FBN1: variants seen among roughly 807,000 people sequenced by gnomAD.
The protein encoded by FBN1 is fibrillin-1.
A neutral mutation model predicts 365.1 loss-of-function variants in FBN1; 29 were observed. The ratio of observed to expected loss-of-function variants is 0.08; its 90% confidence interval spans 0.06 to 0.11. The LOEUF (loss-of-function observed/expected upper bound fraction) is 0.11, where lower values mean the gene tolerates loss of function less well. Among genes scored for constraint, FBN1 ranks in the 10% least tolerant of loss-of-function variants. FBN1 has a pLI of 1.00. For missense variants in FBN1, 2,476 were observed against 3,703.2 expected, an observed-to-expected ratio of 0.67 and a Z score of 8.60; for synonymous variants, 1,210 against 1,270.5, an observed-to-expected ratio of 0.95 and a Z score of 1.01.
At chr15:48,590,582 TAA>T (rs999822007) in intron 6 of FBN1, among the ~76,000 whole-genome samples, 2 of 152,236 alleles carry the variant, frequency 1.3e-5, no homozygotes, top group Non-Finnish European at 2.9e-5. Flanking sequence ...ACTGCACATA[TAA>T]GAAGGAGGTG....
intron 7 of FBN1, 82 bp from the exon 8 acceptor site, chr15:48,534,287 CAATTATGTTACCAT>C (rs1245425741): frequency 7.1e-7 from 1 of 1,404,012 alleles, no homozygotes; most frequent in East Asian, 2.3e-5. Context: ...AATTTGTCCA[CAATTATGTTACCAT>C]ATTTATATCG....
intron 35 of FBN1, among the ~76,000 whole-genome samples, chr15:48,471,706 G>A (rs914155656): frequency 2.0e-5 from 3 of 152,338 alleles, no homozygotes; most frequent in South Asian, 2.1e-4. Context: ...TTCACGTCTT[G>A]TTAACAAGGA....
chr15:48,472,647 G>A lies in FBN1; in HGVS notation c.4240C>T (p.Leu1414Phe), dbSNP rs376840416. The A allele has an allele frequency of 3.1e-6, 5 of 1,614,156 alleles. No homozygotes were observed. Among genetic ancestry groups the A allele is most frequent in the Non-Finnish European group, 4.2e-6 (5 of 1,180,022 alleles). Residue 1414 changes from leucine to phenylalanine, a missense_variant, in exon 35 of 66, where the codon CTC becomes TTC. Coordinates refer to ENST00000316623, the MANE Select transcript of FBN1 (RefSeq NM_000138.5). Reference protein sequence around the residue: ...DLDECSENLNLCGNGQCLNAP... With the variant: ...DLDECSENLNFCGNGQCLNAP... Reference sequence around the variant, plus strand: ...TTGAGGCACTGGCCATTGCCACAGAGATTCAGGTTCTCAGAGCACTCATCA... The same window carrying A: ...TTGAGGCACTGGCCATTGCCACAGAAATTCAGGTTCTCAGAGCACTCATCA...
chr15:48,423,117 A>G (rs1426174664), intron 60 of FBN1, among the ~76,000 whole-genome samples: 2 of 152,218 alleles, frequency 1.3e-5, no homozygotes, highest in Non-Finnish European at 2.9e-5. Context: ...ATTTCAAAAT[A>G]CCAAGAGATG....
intron 2 of FBN1, among the ~76,000 whole-genome samples, chr15:48,631,285 A>C (rs565511956): frequency 3.3e-5 from 5 of 152,362 alleles, no homozygotes; most frequent in African/African-American, 1.2e-4. Flanking sequence ...GCTGCATGGC[A>C]TGAAGCCAAA....
Position 48,639,770 on chromosome 15 carries a change from T to A in FBN1, c.164+4836A>T, listed in dbSNP as rs114720293. On this transcript the variant is annotated intron_variant, in intron 2 of 65. Transcript: ENST00000316623. Reference sequence around the variant, plus strand: ...ATGTCGGTTTCTTCAAAGAATCTCATGGGAAAAAATTCTAAGTTGCTTAAG... The same window carrying A: ...ATGTCGGTTTCTTCAAAGAATCTCAAGGGAAAAAATTCTAAGTTGCTTAAG... Among the ~76,000 whole-genome samples, 1,409 of 152,324 alleles carry A rather than the reference T, an allele frequency of 9.3e-3. 27 individuals are homozygous for A. The highest frequency in any genetic ancestry group is 0.033 in the African/African-American group (1,353 of 41,566).
chr15:48,575,802 T>C (rs1170818919), intron 6 of FBN1, among the ~76,000 whole-genome samples: 1 of 140,126 alleles, frequency 7.1e-6, no homozygotes, highest in Non-Finnish European at 1.6e-5. Flanking sequence ...AAATGTGAGA[T>C]ACACACACAC....
rs751256880 is a variant in FBN1, at chr15:48,463,117, T to G, written c.5189A>C (p.Asn1730Thr). Reference sequence around the variant, plus strand: ...GATGGGACACTGTTCACAGGGCTTGTTCCACGCCCGGCCAATGTTGTAGGA... The same window carrying G: ...GATGGGACACTGTTCACAGGGCTTGGTCCACGCCCGGCCAATGTTGTAGGA... ...CCSYNIGRAW[N>T]KPCEQCPIPS... The change falls in exon 42 of 66, where the codon AAC (asparagine) becomes ACC (threonine). Residue 1730 changes from asparagine to threonine, a missense_variant. Physicochemically the swap from Asn to Thr is moderately conservative, Grantham distance 65. This residue lies in a region of FBN1 where 1,780 missense variants were observed against 2,840.8 expected (regional missense o/e 0.63). Coordinates refer to ENST00000316623, the MANE Select transcript of FBN1 (RefSeq NM_000138.5). 8 of 1,614,132 alleles carry G rather than the reference T, an allele frequency of 5.0e-6. No individual in the cohort carries two copies. In the South Asian group the frequency reaches 8.8e-5, roughly 18 times the overall value.
intron 63 of FBN1, among the ~76,000 whole-genome samples, chr15:48,416,914 T>G (rs886121475): frequency 8.5e-5 from 13 of 152,206 alleles, no homozygotes; most frequent in Admixed American, 6.5e-4. Flanking sequence ...GATACCTATT[T>G]TATGATAGAT....
At chr15:48,470,953 C>T (rs747418395) in intron 35 of FBN1, among the ~76,000 whole-genome samples, 197 bp from the exon 36 acceptor site, 2 of 152,154 alleles carry the variant, frequency 1.3e-5, no homozygotes, top group Non-Finnish European at 2.9e-5. Context: ...TACTTTTCCT[C>T]AGTCTCTATT....
rs887259882 is a variant in FBN1 at position 48,624,989 on chromosome 15, T to C, written c.165-11897A>G. Among the ~76,000 whole-genome samples, 13 of 152,264 alleles carry C rather than the reference T, an allele frequency of 8.5e-5. No homozygotes were observed. In the South Asian group the frequency reaches 2.1e-3, roughly 24 times the overall value. Reference sequence around the variant, plus strand: ...GTCCAGGGAGATAATATCTTCTGAATGTACTGGCAGCCCCAGGAAGAGACA... The same window carrying C: ...GTCCAGGGAGATAATATCTTCTGAACGTACTGGCAGCCCCAGGAAGAGACA... On this transcript the variant is annotated intron_variant, in intron 2 of 65. Coordinates refer to ENST00000316623, the MANE Select transcript of FBN1 (RefSeq NM_000138.5).
At chr15:48,578,299 G>A (rs1243686097) in intron 6 of FBN1, among the ~76,000 whole-genome samples, 1 of 152,146 alleles carries the variant, frequency 6.6e-6, no homozygotes, top group Non-Finnish European at 1.5e-5. Context: ...TGTCCACAGG[G>A]ATAATGACTG....
intron 63 of FBN1, among the ~76,000 whole-genome samples, chr15:48,418,823 G>A (rs1232797567): frequency 1.3e-5 from 2 of 152,212 alleles, no homozygotes; most frequent in East Asian, 1.9e-4. Flanking sequence ...TCAGCATCCA[G>A]CTTGCACTGT....
At chr15:48,444,515 T>C (rs780940761) in intron 49 of FBN1, 26 bp downstream of exon 49, 1 of 1,612,788 alleles carries the variant, frequency 6.2e-7, no homozygotes, top group Non-Finnish European at 8.5e-7. Flanking sequence ...ACACTCCTCA[T>C]TTGCTACAAC....
At chr15:48,516,089 CTTAT>C (rs1290136245) in intron 11 of FBN1, 90 bp downstream of exon 11, 21 of 1,234,392 alleles carry the variant, frequency 1.7e-5, no homozygotes, top group Non-Finnish European at 2.1e-5. Context: ...AATTTACAAA[CTTAT>C]TTAATGACTA....
At chr15:48,623,089 G>A (rs992350595) in intron 2 of FBN1, among the ~76,000 whole-genome samples, 2 of 151,990 alleles carry the variant, frequency 1.3e-5, no homozygotes, top group African/African-American at 2.4e-5. Context: ...TGTTCTTCAG[G>A]CACAGAAACA....
rs77454691 is a variant in FBN1, at chr15:48,504,051, G to A, written c.1961-112C>T. 6.7e-4 allele frequency: 866 copies of A among 1,298,836 alleles called. 2 individuals carry two copies. The African/African-American group carries it at 0.012, about 18-fold the overall frequency. The allele number at this position is 1,298,836 out of a possible 1,614,324, so 80.5% of individuals were successfully genotyped here. The stretch of plus-strand genomic sequence containing the variant: ...TCCATCATCCCTGGTGTAACTCACA[G>A]GGAATGCCTCTGATATCGGGGCTCC... On this transcript the variant is annotated intron_variant, in intron 16 of 65. Coordinates refer to ENST00000316623, the MANE Select transcript of FBN1 (RefSeq NM_000138.5).
chr15:48,490,147 CTGTT>C, intron 24 of FBN1, 69 bp from the exon 25 acceptor site: 3 of 1,294,452 alleles, frequency 2.3e-6, no homozygotes, highest in Non-Finnish European at 3.3e-6. Context: ...TGCCAACACT[CTGTT>C]AGGTAAAATA....
chr15:48,442,624 A>G (rs1012693557), intron 49 of FBN1, among the ~76,000 whole-genome samples: 5 of 152,130 alleles, frequency 3.3e-5, no homozygotes, highest in East Asian at 1.9e-4. Context: ...TTGAGTAACC[A>G]TATGTCCTAG....
Sources: allele counts gnomAD v4.1 joint callset (sites outside exome capture counted in the v4.1 genomes callset), GRCh38; gene constraint gnomAD v4.1.1; regional missense constraint gnomAD v4.1.1; transcripts MANE v1.5; gene names NCBI Gene and HGNC (gene_info 2026-07-23, HGNC 2026-07-21).